CDH13: variants seen among roughly 807,000 people sequenced by gnomAD.
CDH13 encodes the protein cadherin 13.
A neutral mutation model predicts 63.8 loss-of-function variants in CDH13; 24 were observed. The observed-to-expected ratio is 0.38, with a 90% CI of 0.27 to 0.53. CDH13 has a LOEUF of 0.53. Ranked by LOEUF, CDH13 falls within the 20% of genes least tolerant of loss-of-function variation. CDH13 has a pLI of 0.85. For synonymous variants in CDH13, 503 were observed against 355.3 expected (o/e 1.42, Z -4.67); for missense variants, 1,049 against 903.1 (o/e 1.16, Z -2.07).
At chr16:83,650,950 T>G (rs1204462619) in intron 8 of CDH13, among the ~76,000 whole-genome samples, 2 of 151,064 alleles carry the variant, frequency 1.3e-5, no homozygotes, top group Non-Finnish European at 2.9e-5. Context: ...AAAATTTAAA[T>G]ATATATATAG....
intron 7 of CDH13, among the ~76,000 whole-genome samples, chr16:83,529,952 G>C (rs757035064): frequency 1.1e-4 from 16 of 152,158 alleles, no homozygotes; most frequent in Non-Finnish European, 2.1e-4. Flanking sequence ...TTAAGTAGGA[G>C]TGCAAAAGAA....
intron 2 of CDH13, among the ~76,000 whole-genome samples, chr16:82,942,202 T>C (rs1904296117): frequency 1.3e-5 from 2 of 152,178 alleles, no homozygotes; most frequent in African/African-American, 2.4e-5. Context: ...CTTAAGTTAA[T>C]TTTGTGTATG....
chr16:82,819,537 C>T (rs2037895574), intron 1 of CDH13, among the ~76,000 whole-genome samples: 1 of 152,118 alleles, frequency 6.6e-6, no homozygotes. Flanking sequence ...AACTTCTGGG[C>T]TACCCCTCCC....
chr16:83,684,632 A>T (rs1047499951), intron 10 of CDH13, among the ~76,000 whole-genome samples: 4 of 152,182 alleles, frequency 2.6e-5, no homozygotes, highest in African/African-American at 7.2e-5. Flanking sequence ...CTTGCCCAGG[A>T]TCTATAGTAA....
chr16:83,519,663 A>G (rs556080609), intron 7 of CDH13, among the ~76,000 whole-genome samples: 102 of 152,310 alleles, frequency 6.7e-4, no homozygotes, highest in South Asian at 5.4e-3. Flanking sequence ...GTTCAAAGAA[A>G]TCTTTTTTAT....
In CDH13 at chr16:83,678,267, C is replaced by A; in HGVS notation, c.1344C>A (p.Asp448Glu). The change falls in exon 10 of 14, where the codon GAC (aspartate) becomes GAA (glutamate). Residue 448 changes from aspartate (D) to glutamate (E), a missense_variant. Asp to Glu is a conservative substitution (Grantham distance 45, BLOSUM62 2). Coordinates refer to ENST00000567109, the MANE Select transcript of CDH13 (RefSeq NM_001257.5). ...HTLLIKVENEDPLVPDVSYGP... is the reference protein window; with the variant it reads ...HTLLIKVENEEPLVPDVSYGP... ...TGCTGATCAAAGTGGAAAATGAAGA[C>A]CCACTCGTACCCGACGTCTCCTACG... 8 of 1,613,942 alleles carry A rather than the reference C, an allele frequency of 5.0e-6. No individual in the cohort carries two copies. Among genetic ancestry groups the A allele is most frequent in the Non-Finnish European group, 6.8e-6 (8 of 1,179,876 alleles).
At chr16:83,327,049 G>A (rs2151899985) in intron 5 of CDH13, among the ~76,000 whole-genome samples, 1 of 152,326 alleles carries the variant, frequency 6.6e-6, no homozygotes, top group African/African-American at 2.4e-5. Context: ...GAATGGCAGA[G>A]GGATTTATGT....
chr16:83,621,565 C>G (rs1433567194), intron 8 of CDH13, among the ~76,000 whole-genome samples: 1 of 139,600 alleles, frequency 7.2e-6, no homozygotes, highest in African/African-American at 2.6e-5. Flanking sequence ...CGGCTCACCG[C>G]AAACTCCTCC....
intron 5 of CDH13, among the ~76,000 whole-genome samples, chr16:83,241,763 G>T (rs1904474757): frequency 6.6e-6 from 1 of 152,136 alleles, no homozygotes; most frequent in African/African-American, 2.4e-5. Context: ...GTCTTGCAAA[G>T]ATTTTCTCCT....
intron 5 of CDH13, among the ~76,000 whole-genome samples, chr16:83,220,718 A>C (rs1306710983): frequency 2.6e-5 from 4 of 151,652 alleles, no homozygotes; most frequent in Non-Finnish European, 4.4e-5. Context: ...TTGTCATCAT[A>C]ATAGCGCCAA....
At chr16:83,282,893 C>T (rs2151857973) in intron 5 of CDH13, among the ~76,000 whole-genome samples, 1 of 152,272 alleles carries the variant, frequency 6.6e-6, no homozygotes, top group Middle Eastern at 3.4e-3. Flanking sequence ...GATAGGCTAA[C>T]ATGTAACCTC....
intron 13 of CDH13, among the ~76,000 whole-genome samples, chr16:83,787,160 T>G (rs1490176738): frequency 6.6e-6 from 1 of 152,220 alleles, no homozygotes; most frequent in East Asian, 1.9e-4. Context: ...GGCATACCAT[T>G]CTGCGACTTA....
At chr16:83,440,657 C>T (rs2072453112) in intron 6 of CDH13, among the ~76,000 whole-genome samples, 2 of 151,952 alleles carry the variant, frequency 1.3e-5, no homozygotes, top group Non-Finnish European at 2.9e-5. Flanking sequence ...TAGTGGCGCA[C>T]ACCCGTCGTC....
At chr16:83,479,586 G>A (rs545410797) in intron 6 of CDH13, among the ~76,000 whole-genome samples, 1 of 152,230 alleles carries the variant, frequency 6.6e-6, no homozygotes, top group South Asian at 2.1e-4. Context: ...GAACCCGGGA[G>A]GCGGAGCTTG....
At chr16:83,695,893 C>CTT (rs199731349) in intron 10 of CDH13, among the ~76,000 whole-genome samples, 5 of 143,216 alleles carry the variant, frequency 3.5e-5, no homozygotes, top group Non-Finnish European at 3.1e-5. Flanking sequence ...TGCCAAAGAA[C>CTT]TTTTTTTTTT....
chr16:82,969,606 G>C (rs1008130936), intron 2 of CDH13, among the ~76,000 whole-genome samples: 1 of 150,988 alleles, frequency 6.6e-6, no homozygotes, highest in Admixed American at 6.6e-5. Context: ...CTTTTGTTGT[G>C]AGGGAGTACA....
chr16:83,226,512 C>T (rs1422794094), intron 5 of CDH13, among the ~76,000 whole-genome samples: 44 of 152,232 alleles, frequency 2.9e-4, no homozygotes, highest in Admixed American at 2.8e-3. Context: ...ACCTGGCCCA[C>T]ACTCGGTACT....
chr16:83,383,557 C>T (rs760361501), intron 6 of CDH13, among the ~76,000 whole-genome samples: 1 of 152,070 alleles, frequency 6.6e-6, no homozygotes, highest in Non-Finnish European at 1.5e-5. Flanking sequence ...AAGACTGTTT[C>T]CTCTTCTCCC....
intron 4 of CDH13, among the ~76,000 whole-genome samples, chr16:83,188,510 C>T (rs1172660915): frequency 1.3e-5 from 2 of 152,062 alleles, no homozygotes; most frequent in African/African-American, 2.4e-5. Context: ...TGCCCATCTC[C>T]CAGAGGGGGG....
Sources: allele counts gnomAD v4.1 joint callset (sites outside exome capture counted in the v4.1 genomes callset), GRCh38; gene constraint gnomAD v4.1.1; transcripts MANE v1.5; gene names NCBI Gene and HGNC (gene_info 2026-07-23, HGNC 2026-07-21).